Variants in KCNN2 observed in about 807,000 individuals in gnomAD.
KCNN2 encodes the protein small conductance calcium-activated potassium channel protein 2.
A neutral mutation model predicts 55.5 loss-of-function variants in KCNN2; 24 were observed. That is an observed-to-expected ratio of 0.43 (90% CI 0.31 to 0.61). The LOEUF (loss-of-function observed/expected upper bound fraction) is 0.61, where lower values mean the gene tolerates loss of function less well. Ranked by LOEUF, KCNN2 falls within the 20% of genes least tolerant of loss-of-function variation. KCNN2 has a pLI of 0.08. For missense variants in KCNN2, 754 were observed against 853.6 expected, an observed-to-expected ratio of 0.88 and a Z score of 1.45; for synonymous variants, 431 against 336.1, an observed-to-expected ratio of 1.28 and a Z score of -3.09.
intron 2 of KCNN2, among the ~76,000 whole-genome samples, chr5:114,384,908 G>C (rs1758229938): frequency 6.6e-6 from 1 of 152,076 alleles, no homozygotes; most frequent in Non-Finnish European, 1.5e-5. Context: ...TAAATTATGA[G>C]TCCTTAAGTA....
intron 2 of KCNN2, among the ~76,000 whole-genome samples, chr5:114,336,837 A>C (rs150653409): frequency 2.0e-5 from 3 of 152,256 alleles, no homozygotes; most frequent in Non-Finnish European, 4.4e-5. Context: ...ATGAAGTTGG[A>C]GTTTTTAAGG....
At chr5:114,332,097 A>G (rs1488841663) in intron 2 of KCNN2, among the ~76,000 whole-genome samples, 1 of 152,246 alleles carries the variant, frequency 6.6e-6, no homozygotes, top group African/African-American at 2.4e-5. Flanking sequence ...TATTCATTTC[A>G]TTTGTTTATT....
chr5:114,147,912 G>A (rs1455837045), intron 1 of KCNN2, among the ~76,000 whole-genome samples: 1 of 152,150 alleles, frequency 6.6e-6, no homozygotes, highest in African/African-American at 2.4e-5. Context: ...TCCTGCATTG[G>A]CAACAGCTAA....
intron 2 of KCNN2, among the ~76,000 whole-genome samples, chr5:114,315,447 G>A (rs1039264802): frequency 7.4e-5 from 8 of 108,704 alleles, no homozygotes; most frequent in African/African-American, 2.5e-4. Flanking sequence ...GTGTGTGTGT[G>A]TGTGTGTGTG....
At chr5:114,355,405 C>T (rs550812725) in intron 2 of KCNN2, among the ~76,000 whole-genome samples, 2 of 152,184 alleles carry the variant, frequency 1.3e-5, no homozygotes, top group Non-Finnish European at 2.9e-5. Flanking sequence ...GAAAATAAAC[C>T]TTCAGTTTTT....
At position 114,363,082 on chromosome 5, in the gene KCNN2, A is replaced by G. The variant is rs1198058788; in HGVS notation, c.943A>G (p.Ser315Gly). 6.2e-7 allele frequency: 1 copy of G among 1,611,362 alleles called. No homozygotes were observed. Among genetic ancestry groups the G allele is most frequent in the Admixed American group, 1.7e-5 (1 of 59,984 alleles). The change falls in exon 1 of 8, where the codon AGC (serine) becomes GGC (glycine). Residue 315 changes from serine (S) to glycine (G), a missense_variant. This residue lies in a region of KCNN2 where 381 missense variants were observed against 259.1 expected (regional missense o/e 1.47). Transcript: ENST00000673685. Reference sequence around the variant, plus strand: ...CGGCGGTGGCGGGAGCGGGCACGGCAGCAGCAGTGGCACCAAGTCCAGCAA... The same window carrying G: ...CGGCGGTGGCGGGAGCGGGCACGGCGGCAGCAGTGGCACCAAGTCCAGCAA... ...GGGGGGSGHGSSSGTKSSKKK... is the reference protein window; with the variant it reads ...GGGGGGSGHGGSSGTKSSKKK...
rs566785923 is a variant in KCNN2, at chr5:114,111,392, A to G, written c.-271+54892A>G. Among the ~76,000 whole-genome samples the G allele has an allele frequency of 5.9e-5, 9 of 152,336 alleles. No individual in the cohort carries two copies. In the South Asian group the frequency reaches 1.4e-3, roughly 25 times the overall value. ...CCATGAAAACCCTAGAAGAAAACCT[A>G]GGCAATCCCATTCAGGACACAGGCA... On this transcript the variant is annotated intron_variant, in intron 1 of 10. Transcript: ENST00000512097.
chr5:114,300,061 C>T (rs777334415), intron 2 of KCNN2, among the ~76,000 whole-genome samples: 14 of 152,058 alleles, frequency 9.2e-5, no homozygotes, highest in Admixed American at 1.3e-4. Flanking sequence ...GATACTCAGC[C>T]CTCCTACCCT....
intron 5 of KCNN2, among the ~76,000 whole-genome samples, chr5:114,474,728 A>C (rs781495430): frequency 6.6e-6 from 1 of 152,164 alleles, no homozygotes; most frequent in Non-Finnish European, 1.5e-5. Context: ...AAGTTTTATA[A>C]TATTCAAAAG....
chr5:114,489,427 A>G (rs748999382), intron 6 of KCNN2, among the ~76,000 whole-genome samples: 3 of 152,028 alleles, frequency 2.0e-5, no homozygotes, highest in Non-Finnish European at 1.5e-5. Flanking sequence ...CTCTTAGCAT[A>G]TTGTGTTTGG....
At chr5:114,324,672 T>A (rs1756682228) in intron 2 of KCNN2, among the ~76,000 whole-genome samples, 1 of 152,254 alleles carries the variant, frequency 6.6e-6, no homozygotes, top group South Asian at 2.1e-4. Flanking sequence ...TGTGATAATT[T>A]GTTACAGCAG....
At chr5:114,489,602 T>A (rs1747750225) in intron 6 of KCNN2, among the ~76,000 whole-genome samples, 1 of 152,328 alleles carries the variant, frequency 6.6e-6, no homozygotes, top group South Asian at 2.1e-4. Context: ...CGGGTTTCCA[T>A]TACAGTGGGG....
intron 2 of KCNN2, among the ~76,000 whole-genome samples, chr5:114,281,771 A>G (rs1755629832): frequency 7.0e-6 from 1 of 143,614 alleles, no homozygotes; most frequent in African/African-American, 2.6e-5. Context: ...TTTTAAAATA[A>G]GATAATAAAT....
At chr5:114,312,428 CACACACATATATATATATATATATATAT>C (rs1415095534) in intron 2 of KCNN2, among the ~76,000 whole-genome samples, 15 of 22,238 alleles carry the variant, frequency 6.7e-4, no homozygotes, top group Non-Finnish European at 1.1e-3. Flanking sequence ...CACACACACA[CACACACATATATATATATATATATATAT>C]ATATATATAT....
chr5:114,278,347 G>A (rs930724072), intron 2 of KCNN2, among the ~76,000 whole-genome samples: 2 of 152,198 alleles, frequency 1.3e-5, no homozygotes, highest in Non-Finnish European at 2.9e-5. Flanking sequence ...ATCAGAGCTC[G>A]AATGCCATGC....
Position 114,282,043 on chromosome 5 carries a change from A to C in KCNN2, c.-185+60478A>C, listed in dbSNP as rs181463519. ...TAAATGCTTTTGTGATGCCATTCTCATGACTAATATTTATGTATTTGTGTC... is the reference window on the plus strand; with the variant it reads ...TAAATGCTTTTGTGATGCCATTCTCCTGACTAATATTTATGTATTTGTGTC... On this transcript the variant is annotated intron_variant, in intron 2 of 10. Transcript: ENST00000512097. 1.6e-3 allele frequency among the ~76,000 whole-genome samples: 248 copies of C among 152,174 alleles called. 1 individual carries two copies. The highest frequency in any genetic ancestry group is 5.8e-3 in the African/African-American group (242 of 41,556).
chr5:114,161,518 C>G (rs979326589), intron 1 of KCNN2, among the ~76,000 whole-genome samples: 2 of 151,846 alleles, frequency 1.3e-5, no homozygotes, highest in African/African-American at 2.4e-5. Context: ...TTGTGGCGTT[C>G]TCTGTATTTC....
intron 1 of KCNN2, among the ~76,000 whole-genome samples, chr5:114,156,789 A>T (rs145073712): frequency 6.6e-6 from 1 of 151,890 alleles, no homozygotes; most frequent in African/African-American, 2.4e-5. Flanking sequence ...GCCTTTTATT[A>T]ATATGTTGTA....
At chr5:114,455,667 C>G (rs768431986) in intron 3 of KCNN2, among the ~76,000 whole-genome samples, 3 of 152,172 alleles carry the variant, frequency 2.0e-5, no homozygotes, top group Non-Finnish European at 2.9e-5. Flanking sequence ...CTTCTTATAC[C>G]AAACATTTAT....
Sources: allele counts gnomAD v4.1 joint callset (sites outside exome capture counted in the v4.1 genomes callset), GRCh38; gene constraint gnomAD v4.1.1; regional missense constraint gnomAD v4.1.1; transcripts MANE v1.5; gene names NCBI Gene and HGNC (gene_info 2026-07-23, HGNC 2026-07-21).